Variants in BAZ2B observed in about 807,000 individuals in gnomAD.
BAZ2B encodes bromodomain adjacent to zinc finger domain 2B.
Under a neutral mutation model 246.0 loss-of-function variants are expected in BAZ2B, and 91 were observed. The ratio of observed to expected loss-of-function variants is 0.37; its 90% CI spans 0.31 to 0.44. The LOEUF is 0.44. BAZ2B is among the 20% of genes least tolerant of loss of function. BAZ2B has a pLI of 1.00. For missense variants in BAZ2B, 2,332 were observed against 2,533.7 expected (o/e 0.92, Z 1.71); for synonymous variants, 855 against 860.0 (o/e 0.99, Z 0.10).
At chr2:159,448,951 C>A (rs940791536) in intron 4 of BAZ2B, among the ~76,000 whole-genome samples, 4 of 152,030 alleles carry the variant, frequency 2.6e-5, no homozygotes, top group Admixed American at 2.6e-4. Flanking sequence ...ATAGCAAAAT[C>A]AGTAGGCCTT....
At chr2:159,488,201 T>C (rs1256575172) in intron 2 of BAZ2B, among the ~76,000 whole-genome samples, 1 of 152,138 alleles carries the variant, frequency 6.6e-6, no homozygotes, top group Non-Finnish European at 1.5e-5. Context: ...GCCTCCCAAG[T>C]AGCTGGGACT....
At chr2:159,369,110 G>A (rs1042155090) in intron 27 of BAZ2B, among the ~76,000 whole-genome samples, 1 of 152,056 alleles carries the variant, frequency 6.6e-6, no homozygotes, top group African/African-American at 2.4e-5. Flanking sequence ...TGCTTTTCTG[G>A]GAGTTCAATT....
intron 1 of BAZ2B, among the ~76,000 whole-genome samples, chr2:159,564,437 T>C (rs1383997172): frequency 2.0e-5 from 3 of 152,156 alleles, no homozygotes; most frequent in African/African-American, 4.8e-5. Context: ...CCACTGTATA[T>C]GGAATGATCT....
intron 25 of BAZ2B, among the ~76,000 whole-genome samples, chr2:159,379,903 A>G (rs918856193): frequency 2.0e-5 from 3 of 152,128 alleles, no homozygotes; most frequent in Non-Finnish European, 4.4e-5. Flanking sequence ...TTTGAGGTCA[A>G]TTCCACAGCC....
intron 17 of BAZ2B, among the ~76,000 whole-genome samples, chr2:159,399,235 T>C (rs1471733348): frequency 6.6e-6 from 1 of 152,184 alleles, no homozygotes; most frequent in Non-Finnish European, 1.5e-5. Context: ...ACATTGTTTT[T>C]CTGATTTTAA....
chr2:159,634,863 C>T, the BAZ2B span, among the ~76,000 whole-genome samples: 1 of 152,178 alleles, frequency 6.6e-6, no homozygotes. Flanking sequence ...CTTAAAATTA[C>T]TTTTTAAAAC....
intron 2 of BAZ2B, among the ~76,000 whole-genome samples, chr2:159,500,398 C>T (rs1045085045): frequency 2.0e-5 from 3 of 152,116 alleles, no homozygotes; most frequent in African/African-American, 7.2e-5. Flanking sequence ...TATACCTGCA[C>T]CATGCTGTTT....
At chr2:159,389,251 G>A in intron 21 of BAZ2B, 94 bp downstream of exon 21, 1 of 1,261,396 alleles carries the variant, frequency 7.9e-7, no homozygotes, top group Non-Finnish European at 1.1e-6. Context: ...AAAATGAAAG[G>A]CTTTCACAAT....
intron 3 of BAZ2B, among the ~76,000 whole-genome samples, chr2:159,466,058 A>G (rs891647645): frequency 1.3e-5 from 2 of 152,246 alleles, no homozygotes; most frequent in Non-Finnish European, 2.9e-5. Context: ...TCCACAAACC[A>G]TCAAGAGCAG....
the BAZ2B span, among the ~76,000 whole-genome samples, chr2:159,623,974 C>G: frequency 1.3e-5 from 2 of 152,346 alleles, no homozygotes; most frequent in Non-Finnish European, 2.9e-5. Flanking sequence ...GCACAGCAGT[C>G]TGAAGTCAAC....
intron 13 of BAZ2B, among the ~76,000 whole-genome samples, chr2:159,421,115 A>G (rs958581651): frequency 1.2e-4 from 19 of 152,302 alleles, no homozygotes; most frequent in African/African-American, 4.3e-4. Context: ...GTGGACCAAA[A>G]TAAATAAAAC....
chr2:159,594,993 T>G (rs1167281088), intron 1 of BAZ2B, among the ~76,000 whole-genome samples: 1 of 152,192 alleles, frequency 6.6e-6, no homozygotes, highest in Admixed American at 6.5e-5. Context: ...AAGATAATTT[T>G]CAAATCTTTA....
At chr2:159,594,684 T>G (rs1199194845) in intron 1 of BAZ2B, among the ~76,000 whole-genome samples, 1 of 151,876 alleles carries the variant, frequency 6.6e-6, no homozygotes, top group East Asian at 1.9e-4. Context: ...CAGGATGGAG[T>G]GCAGTGGCGT....
chr2:159,588,130 C>T (rs1310610861), intron 1 of BAZ2B, among the ~76,000 whole-genome samples: 4 of 149,976 alleles, frequency 2.7e-5, no homozygotes, highest in African/African-American at 9.9e-5. Flanking sequence ...GAGTTTGAGG[C>T]TGCAGTGAGC....
At chr2:159,567,925 T>C (rs903437240) in intron 1 of BAZ2B, among the ~76,000 whole-genome samples, 1 of 152,114 alleles carries the variant, frequency 6.6e-6, no homozygotes, top group Non-Finnish European at 1.5e-5. Context: ...TGAGCCAAGA[T>C]TGTGCCACTG....
intron 2 of BAZ2B, among the ~76,000 whole-genome samples, chr2:159,535,848 C>G (rs2085912214): frequency 6.6e-6 from 1 of 152,214 alleles, no homozygotes; most frequent in Admixed American, 6.5e-5. Flanking sequence ...TACCAGGTCA[C>G]TTCTGCAATT....
rs1186594497 is a variant in BAZ2B, at chr2:159,516,936, C to T, written c.-2-38215G>A. 3.9e-5 allele frequency among the ~76,000 whole-genome samples: 6 copies of T among 151,976 alleles called. No individual in the cohort carries two copies. In the East Asian group the frequency reaches 1.2e-3, roughly 29 times the overall value. ...GATAAACTATAAAAACAAAGCAATG[C>T]TAACAAATAAGAATAACTGCTCAAA... On this transcript the variant is annotated intron_variant, in intron 2 of 36. Transcript: ENST00000392783.
intron 3 of BAZ2B, among the ~76,000 whole-genome samples, chr2:159,465,324 T>A (rs1222184092): frequency 6.6e-6 from 1 of 152,250 alleles, no homozygotes; most frequent in African/African-American, 2.4e-5. Context: ...CTCATTTTAA[T>A]TTGATTAGCT....
intron 3 of BAZ2B, among the ~76,000 whole-genome samples, chr2:159,475,735 T>C (rs2078451698): frequency 6.6e-6 from 1 of 152,242 alleles, no homozygotes; most frequent in South Asian, 2.1e-4. Flanking sequence ...GGATGGCGTT[T>C]CTGTGTAGAC....
Sources: gnomAD v4.1 joint callset for allele counts (sites outside exome capture counted in the v4.1 genomes callset) on GRCh38, gnomAD v4.1.1 for gene constraint, MANE v1.5 for transcripts, NCBI Gene and HGNC (gene_info 2026-07-23, HGNC 2026-07-21) for gene names.